The following PXYLP1 variants were observed in gnomAD, a reference collection of about 807,000 sequenced individuals.
PXYLP1 encodes acid phosphatase-like 2.
Under a neutral mutation model 37.9 loss-of-function variants are expected in PXYLP1, and 17 were observed. That is an observed-to-expected ratio of 0.45 (90% confidence interval 0.31 to 0.67). PXYLP1 has a LOEUF of 0.67. PXYLP1 is among the 30% of genes least tolerant of loss of function. The pLI is 0.07. For synonymous variants in PXYLP1, 221 were observed against 232.2 expected (o/e 0.95, Z 0.44); for missense variants, 511 against 612.0 (o/e 0.84, Z 1.74).
At chr3:141,279,346 T>A (rs1941887736) in intron 3 of PXYLP1, 32 bp from the exon 4 acceptor site, 1 of 1,613,344 alleles carries the variant, frequency 6.2e-7, no homozygotes, top group Admixed American at 1.7e-5. Flanking sequence ...ACCTATTGAG[T>A]GATAACCAGA....
intron 1 of PXYLP1, among the ~76,000 whole-genome samples, chr3:141,239,261 C>T (rs1940736074): frequency 6.6e-6 from 1 of 152,140 alleles, no homozygotes; most frequent in Non-Finnish European, 1.5e-5. Context: ...CTTTTGTCGC[C>T]AGTGTGTCTG....
At chr3:141,239,323 G>A (rs189454781) in intron 1 of PXYLP1, among the ~76,000 whole-genome samples, 1 of 152,186 alleles carries the variant, frequency 6.6e-6, no homozygotes, top group Non-Finnish European at 1.5e-5. Context: ...CAAAGCTTGG[G>A]CATTTATGGT....
chr3:141,248,720 TATATACACACAC>T lies in PXYLP1; in HGVS notation c.-53-11402_-53-11391del. Among the ~76,000 whole-genome samples, 2 of 12,560 alleles carry T rather than the reference TATATACACACAC, an allele frequency of 1.6e-4. 1 individual carries two copies. Among genetic ancestry groups the T allele is most frequent in the Admixed American group, 1.5e-3 (2 of 1,328 alleles). The allele number at this position is 12,560 out of a possible 152,430, so 8.2% of individuals were successfully genotyped here. ...ACACACACGTGTATATATACACACG[TATATACACACAC>T]GTGTATATATACACACGTATATATA... On this transcript the variant is annotated intron_variant, in intron 1 of 5. Coordinates refer to ENST00000286353, the MANE Select transcript of PXYLP1 (RefSeq NM_001037172.3).
intron 2 of PXYLP1, among the ~76,000 whole-genome samples, chr3:141,275,778 A>G (rs1052102869): frequency 7.9e-6 from 1 of 126,398 alleles, no homozygotes; most frequent in African/African-American, 3.3e-5. Flanking sequence ...CAAGTAATGA[A>G]GGGAAATACG....
chr3:141,291,883 T>C (rs1370629271), intron 5 of PXYLP1, among the ~76,000 whole-genome samples: 1 of 152,224 alleles, frequency 6.6e-6, no homozygotes, highest in Non-Finnish European at 1.5e-5. Flanking sequence ...TGAGGAATGC[T>C]GGACAGGAGG....
chr3:141,283,433 T>G (rs986534276), intron 4 of PXYLP1, among the ~76,000 whole-genome samples: 1 of 152,036 alleles, frequency 6.6e-6, no homozygotes, highest in Non-Finnish European at 1.5e-5. Flanking sequence ...ACCAGAGTCC[T>G]GGGAAGCACC....
intron 2 of PXYLP1, among the ~76,000 whole-genome samples, chr3:141,265,484 T>G (rs2311733): frequency 0.48 from 73,060 of 151,546 alleles, 20,004 homozygotes; most frequent in South Asian, 0.73. Context: ...TCCAGAGGCT[T>G]GTGAAAGGGT....
intron 2 of PXYLP1, among the ~76,000 whole-genome samples, chr3:141,276,677 C>T (rs1375150994): frequency 3.9e-5 from 6 of 152,172 alleles, no homozygotes; most frequent in Non-Finnish European, 5.9e-5. Context: ...GATTCCAAGA[C>T]GTAGAATAAC....
chr3:141,266,965 T>G (rs1405393041), intron 2 of PXYLP1, among the ~76,000 whole-genome samples: 1 of 152,184 alleles, frequency 6.6e-6, no homozygotes, highest in Non-Finnish European at 1.5e-5. Flanking sequence ...CTGTGACACC[T>G]TCCTCGGTGG....
intron 1 of PXYLP1, among the ~76,000 whole-genome samples, chr3:141,259,692 C>A (rs1462951215): frequency 2.0e-5 from 3 of 152,122 alleles, no homozygotes; most frequent in Non-Finnish European, 4.4e-5. Flanking sequence ...TTAAAGAATA[C>A]CAAGATCATT....
At position 141,292,017 on chromosome 3, in the gene PXYLP1, G is replaced by A. The variant is rs1171742085; in HGVS notation, c.506-251G>A. Among the ~76,000 whole-genome samples the A allele has an allele frequency of 1.3e-5, 2 of 152,230 alleles. No homozygotes were observed. The highest frequency in any genetic ancestry group is 2.9e-5 in the Non-Finnish European group (2 of 68,040). On this transcript the variant is annotated intron_variant, in intron 5 of 5. Coordinates refer to ENST00000286353, the MANE Select transcript of PXYLP1 (RefSeq NM_001037172.3). The surrounding 1 kb of genome is among the most constrained non-coding windows in gnomAD (Gnocchi z 4.3). ...AGGCCAGTCTGGAGGCCAAGTGCAA[G>A]GCAGATGGTCCAAAGGCCGTGGTTC...
At chr3:141,253,536 C>A (rs755325572) in intron 1 of PXYLP1, among the ~76,000 whole-genome samples, 1 of 152,158 alleles carries the variant, frequency 6.6e-6, no homozygotes, top group Non-Finnish European at 1.5e-5. Flanking sequence ...TCTGGCATTG[C>A]CACTTCAGAA....
At chr3:141,274,374 TG>T in intron 2 of PXYLP1, 1 of 1,439,610 alleles carries the variant, frequency 6.9e-7, no homozygotes, top group Non-Finnish European at 9.1e-7. Flanking sequence ...AGGCGTATCC[TG>T]AGCCAGCTTG....
chr3:141,273,644 T>A (rs574495908), intron 2 of PXYLP1: 1 of 985,404 alleles, frequency 1.0e-6, no homozygotes, highest in Non-Finnish European at 1.2e-6. Flanking sequence ...CTCTGCCATT[T>A]CTTTGAAATT....
intron 2 of PXYLP1, among the ~76,000 whole-genome samples, chr3:141,275,770 A>G (rs934845291): frequency 6.9e-6 from 1 of 145,794 alleles, no homozygotes; most frequent in African/African-American, 2.6e-5. Context: ...TGGTAACACA[A>G]GTAATGAAGG....
chr3:141,278,210 C>T, intron 2 of PXYLP1, 132 bp from the exon 3 acceptor site: 4 of 1,032,654 alleles, frequency 3.9e-6, no homozygotes, highest in Non-Finnish European at 5.7e-6. Context: ...CTGACTTCTG[C>T]TCCACTGAAG....
intron 2 of PXYLP1, among the ~76,000 whole-genome samples, chr3:141,269,644 T>C (rs1021859368): frequency 1.3e-5 from 2 of 152,172 alleles, no homozygotes; most frequent in Non-Finnish European, 2.9e-5. Context: ...AAGACTGTGT[T>C]CGCATCGTCT....
chr3:141,238,461 A>C (rs1158569086), intron 1 of PXYLP1, among the ~76,000 whole-genome samples: 1 of 152,182 alleles, frequency 6.6e-6, no homozygotes, highest in Non-Finnish European at 1.5e-5. Context: ...GCCTCGTTTG[A>C]GCGTGATTAG....
intron 2 of PXYLP1, among the ~76,000 whole-genome samples, chr3:141,260,983 A>G (rs1941381563): frequency 6.6e-6 from 1 of 152,162 alleles, no homozygotes; most frequent in Non-Finnish European, 1.5e-5. Flanking sequence ...CTCCTTTGCC[A>G]AGAGCGTTCT....
Sources: gnomAD v4.1 joint callset for allele counts (sites outside exome capture counted in the v4.1 genomes callset) on GRCh38, gnomAD v4.1.1 for gene constraint, Gnocchi (gnomAD v3.1) non-coding constraint, MANE v1.5 for transcripts, NCBI Gene and HGNC (gene_info 2026-07-23, HGNC 2026-07-21) for gene names.